Variants in PKHD1 observed in about 807,000 individuals in gnomAD.
PKHD1 encodes the protein fibrocystin.
Under a neutral mutation model 412.0 loss-of-function variants are expected in PKHD1, and 291 were observed. That is an observed-to-expected ratio of 0.71 (90% CI 0.64 to 0.78). The LOEUF (loss-of-function observed/expected upper bound fraction) is 0.78. Ranked by LOEUF, PKHD1 falls within the 30% of genes least tolerant of loss-of-function variation. PKHD1 has a pLI of 0.00. For missense variants in PKHD1, 4,825 were observed against 4,950.7 expected (o/e 0.97, Z 0.76); for synonymous variants, 1,777 against 1,821.5 (o/e 0.98, Z 0.62).
intron 60 of PKHD1, among the ~76,000 whole-genome samples, chr6:51,671,886 G>A (rs1396727515): frequency 6.6e-6 from 1 of 152,214 alleles, no homozygotes; most frequent in Non-Finnish European, 1.5e-5. Flanking sequence ...GGACCCACTT[G>A]AGGAGGTAGT....
At position 51,618,978 on chromosome 6, in the gene PKHD1, CTT is replaced by C; in HGVS notation, c.*101_*102del. On this transcript the variant is annotated 3_prime_UTR_variant, in exon 67 of 67. Transcript: ENST00000371117. The stretch of plus-strand genomic sequence containing the variant: ...AAGGGATTCAGAGTCCACATTCTCT[CTT>C]CTTAGTTGTCCCAGCAGGACAGTCC... 1 of 1,057,484 alleles carries C rather than the reference CTT, an allele frequency of 9.5e-7. No individual in the cohort carries two copies. The highest frequency in any genetic ancestry group is 1.5e-6 in the Non-Finnish European group (1 of 677,724). 65.5% of individuals were successfully genotyped at this position (1,057,484 alleles called of 1,614,324 possible).
intron 34 of PKHD1, among the ~76,000 whole-genome samples, chr6:52,015,864 C>A (rs1800458109): frequency 6.6e-6 from 1 of 152,098 alleles, no homozygotes; most frequent in Admixed American, 6.6e-5. Flanking sequence ...CTTTTGCCTA[C>A]TGCAATAGCC....
chr6:52,064,976 T>C lies in PKHD1; in HGVS notation c.955A>G (p.Arg319Gly), dbSNP rs763136146. Residue 319 changes from arginine to glycine, a missense_variant, in exon 13 of 67, where the codon AGG (arginine) becomes GGG (glycine). Coordinates refer to ENST00000371117, the MANE Select transcript of PKHD1 (RefSeq NM_138694.4). ...TTACCTGGCTGAGGGGTGGTGAGCC[T>C]CACATCTTTTCCTGGAGCCCGAGTG... ...CTTRAPGKDV[R>G]LTTPQPGNRG... The C allele has an allele frequency of 6.2e-7, 1 of 1,600,780 alleles. No individual in the cohort carries two copies.
chr6:51,688,896 T>C (rs1582094781), intron 60 of PKHD1, among the ~76,000 whole-genome samples: 1 of 152,132 alleles, frequency 6.6e-6, no homozygotes, highest in African/African-American at 2.4e-5. Flanking sequence ...CCAGTCAAAT[T>C]CACAGCCGAA....
In PKHD1 at chr6:51,855,935, G is replaced by A. The variant is rs2151687631; in HGVS notation, c.7869C>T (p.Tyr2623=). The A allele has an allele frequency of 3.7e-6, 6 of 1,614,038 alleles. No individual in the cohort carries two copies. The South Asian group carries it at 5.5e-5, about 15-fold the overall frequency. The change falls in exon 49 of 67, where the codon TAC becomes TAT. Residue 2623 remains tyrosine, a synonymous_variant. Transcript: ENST00000371117. The part of the protein sequence containing the change: ...WMALLLDQET[Y]SLQSENLWIN... ...TCCAAAGGTTCTCAGATTGCAATGA[G>A]TAGGTCTCTTGGTCCAAGAGCAGAG...
At chr6:51,998,300 C>T (rs2128091846) in intron 35 of PKHD1, among the ~76,000 whole-genome samples, 1 of 151,980 alleles carries the variant, frequency 6.6e-6, no homozygotes, top group South Asian at 2.1e-4. Flanking sequence ...AGTCCTATGG[C>T]CCTATCAAAC....
At chr6:51,650,659 GT>G (rs1770797415) in intron 61 of PKHD1, among the ~76,000 whole-genome samples, 1 of 152,074 alleles carries the variant, frequency 6.6e-6, no homozygotes, top group Non-Finnish European at 1.5e-5. Context: ...TAAATATGAA[GT>G]TTCCATAGGA....
chr6:51,800,184 A>T (rs1762690553), intron 52 of PKHD1, among the ~76,000 whole-genome samples: 1 of 152,152 alleles, frequency 6.6e-6, no homozygotes, highest in Non-Finnish European at 1.5e-5. Context: ...TACACCCTTT[A>T]ACCACTTGTT....
intron 47 of PKHD1, among the ~76,000 whole-genome samples, chr6:51,868,736 C>G (rs1775485164): frequency 6.6e-6 from 1 of 152,104 alleles, no homozygotes; most frequent in Non-Finnish European, 1.5e-5. Flanking sequence ...TTTATTTAAA[C>G]ATTTACTTTC....
chr6:51,896,138 C>G lies in PKHD1; in HGVS notation c.6996+7459G>C, dbSNP rs373511918. 9.3e-4 allele frequency among the ~76,000 whole-genome samples: 141 copies of G among 152,216 alleles called. 2 individuals carry two copies. The highest frequency in any genetic ancestry group is 2.7e-3 in the Admixed American group (41 of 15,296). ...GCTCGCTTAGGTAAACAAAGCAGCC[C>G]GGAAGCTCGAACTGGGTGGAGCCCA... On this transcript the variant is annotated intron_variant, in intron 43 of 66. Transcript: ENST00000371117.
At chr6:51,848,487 T>C (rs1297914538) in intron 49 of PKHD1, among the ~76,000 whole-genome samples, 1 of 152,158 alleles carries the variant, frequency 6.6e-6, no homozygotes, top group Non-Finnish European at 1.5e-5. Context: ...GTCCCATTTT[T>C]ACATTGAGGA....
At chr6:51,790,886 T>G (rs1793624758) in intron 53 of PKHD1, among the ~76,000 whole-genome samples, 1 of 152,206 alleles carries the variant, frequency 6.6e-6, no homozygotes, top group African/African-American at 2.4e-5. Context: ...AAATCCATCC[T>G]ATGATATCTT....
At chr6:51,669,338 T>A (rs375637537) in intron 60 of PKHD1, among the ~76,000 whole-genome samples, 4 of 152,130 alleles carry the variant, frequency 2.6e-5, no homozygotes, top group African/African-American at 4.8e-5. Flanking sequence ...TTGCATAGAG[T>A]TGTTTGTAGT....
intron 43 of PKHD1, among the ~76,000 whole-genome samples, chr6:51,895,097 A>G (rs1451465049): frequency 6.6e-6 from 1 of 152,206 alleles, no homozygotes; most frequent in East Asian, 1.9e-4. Context: ...CCTTTGGAAT[A>G]AAGGTATATT....
chr6:52,022,745 G>T, intron 33 of PKHD1, 56 bp downstream of exon 33: 9 of 1,568,764 alleles, frequency 5.7e-6, no homozygotes. Context: ...ATTAACCAAA[G>T]AATATCATTT....
rs149963633 is a variant in PKHD1, at chr6:52,042,930, G to C, written c.3026C>G (p.Thr1009Ser). ...CACATTTAGGAAGAGGTCTTCTCCA[G>C]TGGCACTGATGGCAAGACCAGAGGG... ...VRPSGLAISA[T>S]GEDLFLNVKP... is the part of the protein sequence containing the mutation. The change falls in exon 27 of 67, where the codon ACT becomes AGT. Residue 1009 changes from threonine to serine, a missense_variant. By Grantham distance (58) the Thr-to-Ser change is moderately conservative (BLOSUM62 1). Coordinates refer to ENST00000371117, the MANE Select transcript of PKHD1 (RefSeq NM_138694.4). The C allele has an allele frequency of 6.6e-5, 107 of 1,613,742 alleles. No individual in the cohort carries two copies. Among genetic ancestry groups the C allele is most frequent in the Non-Finnish European group, 8.3e-5 (98 of 1,179,762 alleles).
intron 58 of PKHD1, among the ~76,000 whole-genome samples, 157 bp from the exon 59 acceptor site, chr6:51,747,046 A>G (rs1240019566): frequency 6.6e-6 from 1 of 152,208 alleles, no homozygotes; most frequent in Non-Finnish European, 1.5e-5. Flanking sequence ...CTTGATATAA[A>G]ATATCAGTAG....
chr6:52,024,199 A>G (rs188326941), intron 32 of PKHD1, among the ~76,000 whole-genome samples: 1 of 152,252 alleles, frequency 6.6e-6, no homozygotes, highest in Non-Finnish European at 1.5e-5. Context: ...CATACTTAAT[A>G]AATTTTAAAC....
chr6:51,940,246 A>C (rs1451705353), intron 36 of PKHD1, among the ~76,000 whole-genome samples: 1 of 151,650 alleles, frequency 6.6e-6, no homozygotes. Flanking sequence ...CCGGCCCTCA[A>C]ACCCCACAAC....
Sources: gnomAD v4.1 joint callset for allele counts (sites outside exome capture counted in the v4.1 genomes callset) on GRCh38, gnomAD v4.1.1 for gene constraint, MANE v1.5 for transcripts, NCBI Gene and HGNC (gene_info 2026-07-23, HGNC 2026-07-21) for gene names.